The following PKD1 variants were observed in gnomAD, a reference collection of about 807,000 sequenced individuals.
The protein encoded by PKD1 is polycystin-1.
In PKD1, 81 loss-of-function variants were observed where a neutral mutation model predicts 361.7. The observed-to-expected ratio is 0.22, with a 90% CI of 0.19 to 0.27. The LOEUF (loss-of-function observed/expected upper bound fraction) is 0.27, where lower values mean the gene tolerates loss of function less well. PKD1 is among the 10% of genes least tolerant of loss of function. PKD1 has a pLI of 1.00. For missense variants in PKD1, 6,399 were observed against 6,118.3 expected, an observed-to-expected ratio of 1.05 and a Z score of -1.53; for synonymous variants, 3,615 against 2,818.3, an observed-to-expected ratio of 1.28 and a Z score of -8.95.
Position 2,118,197 on chromosome 16 carries a change from G to T in PKD1, c.795C>A (p.Leu265=). The part of the protein sequence containing the change: ...PAPTCRGPTL[L]QHVFPASPGA... The stretch of plus-strand genomic sequence containing the variant: ...CTGGGGAGGCAGGGAAGACGTGCTG[G>T]AGGAGGGTGGGGCCCCTACAGGTGG... Residue 265 remains leucine, a synonymous_variant, in exon 5 of 46, where the codon CTC becomes CTA. Coordinates refer to ENST00000262304, the MANE Select transcript of PKD1 (RefSeq NM_001009944.3). The surrounding 1 kb of genome is among the most constrained non-coding windows in gnomAD (Gnocchi z 6.0). 6.5e-7 allele frequency: 1 copy of T among 1,544,454 alleles called. No individual in the cohort carries two copies. The highest frequency in any genetic ancestry group is 8.7e-7 in the Non-Finnish European group (1 of 1,148,118).
chr16:2,089,696 C>T lies in PKD1; in HGVS notation c.*31G>A, dbSNP rs2151671675. 6.4e-7 allele frequency: 1 copy of T among 1,555,908 alleles called. No homozygotes were observed. Among genetic ancestry groups the T allele is most frequent in the Middle Eastern group, 2.3e-4 (1 of 4,444 alleles). On this transcript the variant is annotated 3_prime_UTR_variant, in exon 46 of 46. Coordinates refer to ENST00000262304, the MANE Select transcript of PKD1 (RefSeq NM_001009944.3). Reference sequence around the variant, plus strand: ...TAATACTGAGCGGTGTCCACTCCGACTCCACGGCCCACCCCCGCCAGGAAG... The same window carrying T: ...TAATACTGAGCGGTGTCCACTCCGATTCCACGGCCCACCCCCGCCAGGAAG...
chr16:2,110,081 G>C lies in PKD1; in HGVS notation c.5086C>G (p.Gln1696Glu). Residue 1696 changes from glutamine (Q) to glutamate (E), a missense_variant, in exon 15 of 46, where the codon CAG becomes GAG. Gln to Glu is a conservative substitution (Grantham distance 29, BLOSUM62 2). Coordinates refer to ENST00000262304, the MANE Select transcript of PKD1 (RefSeq NM_001009944.3). ...TVLEAGTYHV[Q>E]LRATNMLGSA... is the part of the protein sequence containing the mutation. Reference sequence around the variant, plus strand: ...CCCAGCATGTTGGTGGCCCGCAGCTGCACATGGTAGGTGCCGGCCTCGAGC... The same window carrying C: ...CCCAGCATGTTGGTGGCCCGCAGCTCCACATGGTAGGTGCCGGCCTCGAGC... 1 of 1,609,906 alleles carries C rather than the reference G, an allele frequency of 6.2e-7. No individual in the cohort carries two copies.
In PKD1 at chr16:2,101,035, G is replaced by A. The variant is rs1034110010; in HGVS notation, c.9398-469C>T. 1.8e-4 allele frequency among the ~76,000 whole-genome samples: 27 copies of A among 151,936 alleles called. 1 individual carries two copies. Among genetic ancestry groups the A allele is most frequent in the Non-Finnish European group, 4.4e-5 (3 of 67,980 alleles). On this transcript the variant is annotated intron_variant, in intron 26 of 45. Transcript: ENST00000262304. ...GAGTCTTGCTGTGTCACCCAGGCTG[G>A]AGTGCAGTGGCGCAATCTCAGCTCA... is the stretch of plus-strand genomic sequence containing the variant.
At position 2,106,398 on chromosome 16, in the gene PKD1, C is replaced by T. The variant is rs760688835; in HGVS notation, c.7489G>A (p.Gly2497Ser). ...LTTKVHFECT[G>S]WHDAEDAGAP... Reference sequence around the variant, plus strand: ...TCCCCCCACGCAGGCCTGCACTCACCCGTGCATTCGAAGTGCACCTTGGTG... The same window carrying T: ...TCCCCCCACGCAGGCCTGCACTCACTCGTGCATTCGAAGTGCACCTTGGTG... Residue 2497 changes from glycine (G) to serine (S), a missense_variant and splice_region_variant, in exon 18 of 46, where the codon GGC becomes AGC. Coordinates refer to ENST00000262304, the MANE Select transcript of PKD1 (RefSeq NM_001009944.3). The surrounding 1 kb of genome is among the most constrained non-coding windows in gnomAD (Gnocchi z 6.5). The T allele has an allele frequency of 4.4e-6, 7 of 1,589,602 alleles. No homozygotes were observed. The Admixed American group carries it at 1.2e-4, about 28-fold the overall frequency.
In PKD1 at chr16:2,090,962, A is replaced by G. The variant is rs2151686791; in HGVS notation, c.11925T>C (p.Thr3975=). ...TCAGCTGCGCCACCTGGTCGAAGCT[A>G]GTGAAGCGGCGCGGGCGGCCGCGCA... ...RFVRGRPRRF[T]SFDQVAQLSS... is the part of the protein sequence containing the mutation. The change falls in exon 43 of 46, where the codon ACT becomes ACC. Residue 3975 remains threonine (T), a synonymous_variant. Coordinates refer to ENST00000262304, the MANE Select transcript of PKD1 (RefSeq NM_001009944.3). 2.6e-6 allele frequency: 4 copies of G among 1,551,300 alleles called. No homozygotes were observed. Among genetic ancestry groups the G allele is most frequent in the East Asian group, 2.4e-5 (1 of 42,004 alleles).
In PKD1 at chr16:2,102,645, AG is replaced by A. The variant is rs1567175159; in HGVS notation, c.8949-13del. ...CTGGGTCTCTGCTCCTGGGCAGGGA[AG>A]GGGTAGCGGACGTGAGCCCAGGCTC... On this transcript the variant is annotated splice_polypyrimidine_tract_variant and intron_variant, in intron 24 of 45. Coordinates refer to ENST00000262304, the MANE Select transcript of PKD1 (RefSeq NM_001009944.3). The A allele has an allele frequency of 1.2e-6, 2 of 1,610,872 alleles. No individual in the cohort carries two copies. Among genetic ancestry groups the A allele is most frequent in the Admixed American group, 3.3e-5 (2 of 60,018 alleles).
chr16:2,115,666 A>C (rs545934316), intron 9 of PKD1, 41 bp from the exon 10 acceptor site: 5 of 1,584,578 alleles, frequency 3.2e-6, no homozygotes, highest in Non-Finnish European at 4.3e-6. Context: ...ATTTGCCCAC[A>C]GGCCACCGTC....
In PKD1 at chr16:2,109,356, G is replaced by T; in HGVS notation, c.5811C>A (p.Ser1937=). 6.3e-7 allele frequency: 1 copy of T among 1,592,216 alleles called. No individual in the cohort carries two copies. The highest frequency in any genetic ancestry group is 8.5e-7 in the Non-Finnish European group (1 of 1,173,794). The stretch of plus-strand genomic sequence containing the variant: ...GGTCTCCGACGCGGGGGAAGCTGTG[G>T]GAGAAACGGGGCCCGGGGAGCACCT... ...NPEVLPGPRF[S]HSFPRVGDHV... is the part of the protein sequence containing the mutation. The change falls in exon 15 of 46, where the codon TCC becomes TCA. Residue 1937 remains serine (S), a synonymous_variant. Coordinates refer to ENST00000262304, the MANE Select transcript of PKD1 (RefSeq NM_001009944.3).
At position 2,112,958 on chromosome 16, in the gene PKD1, C is replaced by T. The variant is rs138603333; in HGVS notation, c.2991G>A (p.Thr997=). ...QSAAVFKLSL[T]ASNHVSNVTV... ...TGACGTTGCTCACGTGGTTGGAGGC[C>T]GTCAGCTGCAGGGACAGGCGTCAGT... The change falls in exon 13 of 46, where the codon ACG becomes ACA. Residue 997 remains threonine, a synonymous_variant. Transcript: ENST00000262304. 6.3e-6 allele frequency: 10 copies of T among 1,599,654 alleles called. No individual in the cohort carries two copies. The highest frequency in any genetic ancestry group is 4.0e-5 in the African/African-American group (3 of 74,970).
In PKD1 at chr16:2,090,471, C is replaced by G. The variant is rs1472302278; in HGVS notation, c.12258G>C (p.Leu4086=). 5 of 1,612,226 alleles carry G rather than the reference C, an allele frequency of 3.1e-6. No homozygotes were observed. The South Asian group carries it at 4.4e-5, about 14-fold the overall frequency. ...GCCGCAGTGCCCAGAGCCCCACACA[C>G]AGCAGGGGTGACAGGTGCCAGGACT... ...PAESWHLSPL[L]CVGLWALRLW... Residue 4086 remains leucine (L), a synonymous_variant, in exon 45 of 46, where the codon CTG becomes CTC. Coordinates refer to ENST00000262304, the MANE Select transcript of PKD1 (RefSeq NM_001009944.3).
chr16:2,093,866 A>G lies in PKD1; in HGVS notation c.10766T>C (p.Leu3589Pro). ...CAGGAAGCTGGCGCTGCTGGACAGG[A>G]GCCACGCAACACTCACGCCCGGGGG... The part of the protein sequence containing the change: ...SFPPGVSVAW[L>P]LSSSASFLAS... Residue 3589 changes from leucine (L) to proline (P), a missense_variant, in exon 36 of 46, where the codon CTC becomes CCC. Transcript: ENST00000262304. 1 of 1,570,634 alleles carries G rather than the reference A, an allele frequency of 6.4e-7. No homozygotes were observed. The highest frequency in any genetic ancestry group is 8.6e-7 in the Non-Finnish European group (1 of 1,164,076).
rs148852027 is a variant in PKD1 at position 2,110,250 on chromosome 16, G to A, written c.4917C>T (p.Gly1639=). The part of the protein sequence containing the change: ...LQLIEGLQVV[G]GGRYFPTNHT... Reference sequence around the variant, plus strand: ...GGTTGGTGGGGAAGTAGCGGCCACCGCCCACCACCTGCAGCCCCTCTATGA... The same window carrying A: ...GGTTGGTGGGGAAGTAGCGGCCACCACCCACCACCTGCAGCCCCTCTATGA... Residue 1639 remains glycine, a synonymous_variant, in exon 15 of 46, where the codon GGC becomes GGT. Coordinates refer to ENST00000262304, the MANE Select transcript of PKD1 (RefSeq NM_001009944.3). The A allele has an allele frequency of 1.9e-3, 3,059 of 1,611,986 alleles. 6 individuals are homozygous for A. The highest frequency in any genetic ancestry group is 2.4e-3 in the Non-Finnish European group (2,785 of 1,179,524).
In PKD1 at chr16:2,097,416, C is replaced by A; in HGVS notation, c.10308G>T (p.Gln3436His). 2 of 1,609,326 alleles carry A rather than the reference C, an allele frequency of 1.2e-6. No homozygotes were observed. Among genetic ancestry groups the A allele is most frequent in the Non-Finnish European group, 1.7e-6 (2 of 1,179,920 alleles). Residue 3436 changes from glutamine to histidine, a missense_variant, in exon 33 of 46, where the codon CAG becomes CAT. Coordinates refer to ENST00000262304, the MANE Select transcript of PKD1 (RefSeq NM_001009944.3). Reference protein sequence around the residue: ...DPSIVGSNLRQLARGQAGHGL... With the variant: ...DPSIVGSNLRHLARGQAGHGL... The stretch of plus-strand genomic sequence containing the variant: ...CATGGCCCGCCTGGCCCCGTGCCAG[C>A]TGCCGCAGATTGCTACCCACAATGG...
rs1415713518 is a variant in PKD1 at position 2,102,259 on chromosome 16, G to A, written c.9202-3C>T. ...TAGTTTACATCCGCTGTCGGCTCCT[G>A]TGAGGACACAGCCGCCGGGCCCAGG... On this transcript the variant is annotated splice_region_variant and splice_polypyrimidine_tract_variant and intron_variant, in intron 25 of 45. Coordinates refer to ENST00000262304, the MANE Select transcript of PKD1 (RefSeq NM_001009944.3). 2.0e-6 allele frequency: 3 copies of A among 1,517,450 alleles called. No individual in the cohort carries two copies. In the East Asian group the frequency reaches 6.8e-5, roughly 35 times the overall value. 94.0% of individuals were successfully genotyped at this position (1,517,450 alleles called of 1,614,324 possible).
rs752430163 is a variant in PKD1 at position 2,111,579 on chromosome 16, C to T, written c.3588G>A (p.Thr1196=). ...TYHVRLEVNN[T]VSGAAAQADV... Reference sequence around the variant, plus strand: ...CCGCCTGGGCCGCCGCACCGCTCACCGTGTTGTTGACCTCCAGGCGCACGT... The same window carrying T: ...CCGCCTGGGCCGCCGCACCGCTCACTGTGTTGTTGACCTCCAGGCGCACGT... The change falls in exon 15 of 46, where the codon ACG becomes ACA. Residue 1196 remains threonine, a synonymous_variant. Coordinates refer to ENST00000262304, the MANE Select transcript of PKD1 (RefSeq NM_001009944.3). 3.8e-6 allele frequency: 6 copies of T among 1,576,096 alleles called. No homozygotes were observed. Among genetic ancestry groups the T allele is most frequent in the South Asian group, 2.3e-5 (2 of 87,134 alleles).
Position 2,109,338 on chromosome 16 carries a change from G to A in PKD1, c.5829C>T (p.Val1943=), listed in dbSNP as rs757576342. ...CCCGCACGCTCACCACGTGGTCTCCGACGCGGGGGAAGCTGTGGGAGAAAC... is the reference window on the plus strand; with the variant it reads ...CCCGCACGCTCACCACGTGGTCTCCAACGCGGGGGAAGCTGTGGGAGAAAC... ...GPRFSHSFPR[V]GDHVVSVRGK... Residue 1943 remains valine, a synonymous_variant, in exon 15 of 46, where the codon GTC becomes GTT. Transcript: ENST00000262304. 192 of 1,590,584 alleles carry A rather than the reference G, an allele frequency of 1.2e-4. No individual in the cohort carries two copies. Among genetic ancestry groups the A allele is most frequent in the Non-Finnish European group, 1.4e-4 (166 of 1,172,750 alleles).
At position 2,089,066 on chromosome 16, in the gene PKD1, C is replaced by T. The variant is rs768097806; in HGVS notation, c.*661G>A. The T allele has an allele frequency of 4.7e-4, 88 of 187,514 alleles. No individual in the cohort carries two copies. The highest frequency in any genetic ancestry group is 2.5e-4 in the Non-Finnish European group (22 of 89,056). The allele number at this position is 187,514 out of a possible 1,614,324, so 11.6% of individuals were successfully genotyped here. A position where few individuals can be genotyped will look rare whatever the true frequency, so the allele number is the denominator to read the frequency against. ...CCTGGGGCAAGGGAGGATGACAAGGCCTCTGGGGTGATGAGAGTGCCTGGC... is the reference window on the plus strand; with the variant it reads ...CCTGGGGCAAGGGAGGATGACAAGGTCTCTGGGGTGATGAGAGTGCCTGGC... On this transcript the variant is annotated 3_prime_UTR_variant, in exon 46 of 46. Coordinates refer to ENST00000262304, the MANE Select transcript of PKD1 (RefSeq NM_001009944.3).
chr16:2,122,826 C>T (rs1176383639), intron 1 of PKD1, among the ~76,000 whole-genome samples: 1 of 152,192 alleles, frequency 6.6e-6, no homozygotes, highest in Non-Finnish European at 1.5e-5. Flanking sequence ...ACAGGCAGGC[C>T]CCCTGGAAGG....
chr16:2,098,181 G>C (rs566939668), intron 30 of PKD1, 197 bp from the exon 31 acceptor site: 8 of 601,202 alleles, frequency 1.3e-5, no homozygotes, highest in African/African-American at 1.3e-4. Context: ...CTTGACAGCA[G>C]ACTGGTGCAG....
Sources: gnomAD v4.1 joint callset for allele counts (sites outside exome capture counted in the v4.1 genomes callset) on GRCh38, gnomAD v4.1.1 for gene constraint, Gnocchi (gnomAD v3.1) non-coding constraint, MANE v1.5 for transcripts, NCBI Gene and HGNC (gene_info 2026-07-23, HGNC 2026-07-21) for gene names.